The following CTNNA3 variants were observed in gnomAD, a reference collection of about 807,000 sequenced individuals.
The protein encoded by CTNNA3 is catenin alpha-3.
Under a neutral mutation model 95.7 loss-of-function variants are expected in CTNNA3, and 76 were observed. That is an observed-to-expected ratio of 0.79 (90% CI 0.66 to 0.96). The LOEUF is 0.96. CTNNA3 is among the 40% of genes least tolerant of loss of function. CTNNA3 has a pLI of 0.00. For synonymous variants in CTNNA3, 431 were observed against 374.4 expected, an observed-to-expected ratio of 1.15 and a Z score of -1.74; for missense variants, 1,191 against 1,089.8, an observed-to-expected ratio of 1.09 and a Z score of -1.31.
chr10:66,421,241 T>G (rs12774506), intron 11 of CTNNA3, among the ~76,000 whole-genome samples: 40,280 of 152,076 alleles, frequency 0.26, 5,492 homozygotes, highest in South Asian at 0.39. Flanking sequence ...TGATAGATAC[T>G]AGAAGCTGGG....
intron 12 of CTNNA3, among the ~76,000 whole-genome samples, chr10:66,310,096 C>A (rs1038426810): frequency 6.7e-6 from 1 of 150,158 alleles, no homozygotes; most frequent in Non-Finnish European, 1.5e-5. Flanking sequence ...CCAGCCTGGG[C>A]GACAGGGTGA....
intron 5 of CTNNA3, among the ~76,000 whole-genome samples, chr10:67,285,009 A>G (rs1229200760): frequency 6.6e-6 from 1 of 152,096 alleles, no homozygotes; most frequent in Non-Finnish European, 1.5e-5. Context: ...TAGCTGCCTC[A>G]CCCATTATCT....
intron 5 of CTNNA3, among the ~76,000 whole-genome samples, chr10:67,471,360 A>G (rs923639506): frequency 6.6e-6 from 1 of 152,230 alleles, no homozygotes; most frequent in African/African-American, 2.4e-5. Flanking sequence ...TTCTCTTGGA[A>G]TATCAGAACG....
chr10:66,248,049 C>T (rs1290388494), intron 13 of CTNNA3, among the ~76,000 whole-genome samples: 2 of 152,064 alleles, frequency 1.3e-5, no homozygotes, highest in African/African-American at 4.8e-5. Flanking sequence ...AGGATTACAT[C>T]TTTTCAAGAC....
intron 7 of CTNNA3, among the ~76,000 whole-genome samples, chr10:66,944,078 C>T (rs1848158622): frequency 6.6e-6 from 1 of 152,146 alleles, no homozygotes; most frequent in African/African-American, 2.4e-5. Flanking sequence ...CATTGGTTGA[C>T]TCTTTCATGA....
chr10:66,318,914 AT>A (rs5785754), intron 12 of CTNNA3, among the ~76,000 whole-genome samples: 19,824 of 146,604 alleles, frequency 0.14, 1,479 homozygotes, highest in East Asian at 0.25. Context: ...AGGTAGAAGT[AT>A]TTTTTTTTTT....
intron 5 of CTNNA3, among the ~76,000 whole-genome samples, chr10:67,443,794 A>C (rs1477724945): frequency 6.6e-6 from 1 of 152,012 alleles, no homozygotes; most frequent in African/African-American, 2.4e-5. Context: ...GGAGCTCTTT[A>C]GTTTAATTAG....
At chr10:66,644,890 C>G (rs1436831066) in intron 9 of CTNNA3, among the ~76,000 whole-genome samples, 1 of 152,122 alleles carries the variant, frequency 6.6e-6, no homozygotes, top group Non-Finnish European at 1.5e-5. Flanking sequence ...ATAACTATAT[C>G]CATCTCCCTC....
chr10:65,980,861 C>G (rs957889251), intron 16 of CTNNA3, among the ~76,000 whole-genome samples: 18 of 152,032 alleles, frequency 1.2e-4, no homozygotes, highest in African/African-American at 4.3e-4. Flanking sequence ...TAAAAGCCAT[C>G]TATGACAAAC....
chr10:66,556,374 G>T (rs1842389364), intron 10 of CTNNA3, among the ~76,000 whole-genome samples: 1 of 152,000 alleles, frequency 6.6e-6, no homozygotes, highest in South Asian at 2.1e-4. Context: ...TATATCCAAA[G>T]AAATTGAAAT....
chr10:66,280,361 T>G, intron 13 of CTNNA3, 109 bp downstream of exon 13: 1 of 957,928 alleles, frequency 1.0e-6, no homozygotes, highest in Non-Finnish European at 1.6e-6. Context: ...TTAATAGATT[T>G]CAGCATTGAC....
At chr10:67,345,901 T>C (rs1425918015) in intron 5 of CTNNA3, among the ~76,000 whole-genome samples, 1 of 152,148 alleles carries the variant, frequency 6.6e-6, no homozygotes, top group Non-Finnish European at 1.5e-5. Context: ...TGGTCTTCTC[T>C]TCCTTCTTTC....
intron 5 of CTNNA3, among the ~76,000 whole-genome samples, chr10:67,511,981 G>A (rs900988676): frequency 1.4e-4 from 22 of 152,180 alleles, no homozygotes; most frequent in African/African-American, 2.9e-4. Context: ...GTTTATTTGC[G>A]TAGAGGTGTT....
chr10:66,802,621 A>G (rs1044962377), intron 7 of CTNNA3, among the ~76,000 whole-genome samples: 2 of 151,894 alleles, frequency 1.3e-5, no homozygotes, highest in African/African-American at 4.8e-5. Context: ...TAGCCAGATA[A>G]TTCTACCCAG....
intron 17 of CTNNA3, among the ~76,000 whole-genome samples, chr10:65,939,645 C>T (rs2077398221): frequency 6.6e-6 from 1 of 152,100 alleles, no homozygotes; most frequent in Non-Finnish European, 1.5e-5. Context: ...TGTCCTATAA[C>T]CTATCACTAG....
intron 7 of CTNNA3, among the ~76,000 whole-genome samples, chr10:66,838,797 C>T (rs1842959770): frequency 6.6e-6 from 1 of 152,176 alleles, no homozygotes; most frequent in South Asian, 2.1e-4. Flanking sequence ...GCTGAATAAA[C>T]ACTGAGCAAA....
At chr10:66,102,330 C>CA (rs2081668116) in intron 14 of CTNNA3, among the ~76,000 whole-genome samples, 1 of 152,142 alleles carries the variant, frequency 6.6e-6, no homozygotes, top group African/African-American at 2.4e-5. Context: ...GAACTAGGCA[C>CA]TATATAAGTG....
At chr10:66,010,425 A>G (rs1431314510) in intron 15 of CTNNA3, among the ~76,000 whole-genome samples, 1 of 152,240 alleles carries the variant, frequency 6.6e-6, no homozygotes, top group African/African-American at 2.4e-5. Flanking sequence ...ACAAAAAACA[A>G]AAGGAGAAAG....
At chr10:66,225,240 G>A (rs975316552) in intron 13 of CTNNA3, among the ~76,000 whole-genome samples, 1 of 151,332 alleles carries the variant, frequency 6.6e-6, no homozygotes, top group Non-Finnish European at 1.5e-5. Flanking sequence ...AGTTTTCACG[G>A]TTTACTTCTA....
Sources: allele counts gnomAD v4.1 joint callset (sites outside exome capture counted in the v4.1 genomes callset), GRCh38; gene constraint gnomAD v4.1.1; transcripts MANE v1.5; gene names NCBI Gene and HGNC (gene_info 2026-07-23, HGNC 2026-07-21).